Variants in WDPCP observed in about 807,000 individuals in gnomAD.
The protein encoded by WDPCP is WD repeat containing planar cell polarity effector, also known as WD repeat-containing and planar cell polarity effector protein fritz homolog.
A neutral mutation model predicts 93.1 loss-of-function variants in WDPCP; 71 were observed. The ratio of observed to expected loss-of-function variants is 0.76; its 90% CI spans 0.63 to 0.93. WDPCP has a LOEUF of 0.93. Ranked by LOEUF, WDPCP falls within the 40% of genes least tolerant of loss-of-function variation. WDPCP has a pLI of 0.00. For missense variants in WDPCP, 844 were observed against 887.4 expected (o/e 0.95, Z 0.62); for synonymous variants, 315 against 315.0 (o/e 1.00, Z 0.00).
At chr2:63,284,408 A>G (rs946837433) in intron 13 of WDPCP, among the ~76,000 whole-genome samples, 3 of 152,242 alleles carry the variant, frequency 2.0e-5, no homozygotes, top group African/African-American at 7.2e-5. Context: ...TGTTCTAACC[A>G]TATATCTTAG....
intron 2 of WDPCP, among the ~76,000 whole-genome samples, chr2:63,809,103 C>T (rs1418341041): frequency 6.7e-6 from 1 of 150,170 alleles, no homozygotes; most frequent in African/African-American, 2.5e-5. Flanking sequence ...TCCCTCCGCC[C>T]GGCAGCCGCC....
intron 1 of WDPCP, among the ~76,000 whole-genome samples, chr2:63,519,646 C>T (rs1702794029): frequency 6.6e-6 from 1 of 151,906 alleles, no homozygotes. Context: ...AGCCTTGGGC[C>T]CCTAAAATTA....
At chr2:63,634,766 C>G (rs2106634271) in intron 3 of WDPCP, among the ~76,000 whole-genome samples, 1 of 152,090 alleles carries the variant, frequency 6.6e-6, no homozygotes, top group East Asian at 1.9e-4. Flanking sequence ...AAAATGAAAA[C>G]ACAACATACC....
chr2:63,360,621 G>T lies in WDPCP; in HGVS notation c.1748+17765C>A, dbSNP rs572201880. On this transcript the variant is annotated intron_variant, in intron 12 of 17. Coordinates refer to ENST00000272321, the MANE Select transcript of WDPCP (RefSeq NM_015910.7). ...CTACTTAGCGGCGTCTCAGTAGTCA[G>T]TGTTTAGCTCTGAATAAAGGCACGT... is the stretch of plus-strand genomic sequence containing the variant. Among the ~76,000 whole-genome samples the T allele has an allele frequency of 1.5e-3, 230 of 152,284 alleles. 2 individuals are homozygous for T. The highest frequency in any genetic ancestry group is 3.4e-3 in the Middle Eastern group (1 of 294).
At chr2:63,772,002 G>A (rs1670233949) in intron 2 of WDPCP, among the ~76,000 whole-genome samples, 1 of 151,946 alleles carries the variant, frequency 6.6e-6, no homozygotes, top group South Asian at 2.1e-4. Flanking sequence ...GTGCTGCGAT[G>A]AACATATGAG....
chr2:63,602,974 T>TC (rs1709456401), intron 3 of WDPCP, among the ~76,000 whole-genome samples: 1 of 57,220 alleles, frequency 1.7e-5, no homozygotes, highest in African/African-American at 8.0e-5. Context: ...TTTTTTTTTT[T>TC]TTTGAGACAG....
At chr2:63,342,020 G>A (rs1688877621) in intron 12 of WDPCP, among the ~76,000 whole-genome samples, 1 of 152,090 alleles carries the variant, frequency 6.6e-6, no homozygotes, top group Non-Finnish European at 1.5e-5. Flanking sequence ...TCCATGGATG[G>A]GGTGGGGAGG....
At chr2:63,358,518 G>A (rs2104628574) in intron 12 of WDPCP, among the ~76,000 whole-genome samples, 1 of 152,272 alleles carries the variant, frequency 6.6e-6, no homozygotes, top group South Asian at 2.1e-4. Flanking sequence ...CCAAGTTGCA[G>A]TGCAGGTGCA....
At chr2:63,159,597 T>C (rs942163544) in intron 15 of WDPCP, among the ~76,000 whole-genome samples, 1 of 152,196 alleles carries the variant, frequency 6.6e-6, no homozygotes, top group African/African-American at 2.4e-5. Context: ...GTGATGAATG[T>C]TATTTTTGTT....
At chr2:63,409,261 G>C (rs971709008) in intron 9 of WDPCP, among the ~76,000 whole-genome samples, 14 of 152,188 alleles carry the variant, frequency 9.2e-5, no homozygotes, top group African/African-American at 3.4e-4. Flanking sequence ...ACCAGAGCCA[G>C]GTAGACTTCC....
chr2:63,500,481 G>T (rs1701484557), intron 1 of WDPCP, among the ~76,000 whole-genome samples: 1 of 151,774 alleles, frequency 6.6e-6, no homozygotes, highest in Non-Finnish European at 1.5e-5. Context: ...GTGTGTGTGT[G>T]TAAAGTGGTT....
At chr2:63,493,550 T>A (rs986838722) in intron 1 of WDPCP, among the ~76,000 whole-genome samples, 5 of 146,012 alleles carry the variant, frequency 3.4e-5, no homozygotes, top group Non-Finnish European at 7.6e-5. Context: ...TTCTATGGGG[T>A]TTTTTTTTTT....
At chr2:63,128,686 G>C (rs1670086713) in intron 17 of WDPCP, among the ~76,000 whole-genome samples, 1 of 151,980 alleles carries the variant, frequency 6.6e-6, no homozygotes, top group East Asian at 1.9e-4. Flanking sequence ...CTACTTATTT[G>C]AGATGGAATT....
intron 14 of WDPCP, among the ~76,000 whole-genome samples, chr2:63,228,161 T>C: frequency 6.6e-6 from 1 of 152,054 alleles, no homozygotes; most frequent in South Asian, 2.1e-4. Flanking sequence ...CTGGAGGTCA[T>C]GTACATCAGA....
chr2:63,142,921 TATAC>T (rs775840365), intron 17 of WDPCP, among the ~76,000 whole-genome samples: 173 of 76,458 alleles, frequency 2.3e-3, no homozygotes, highest in African/African-American at 3.3e-3. Flanking sequence ...TACACATACA[TATAC>T]ACACACACAC....
At chr2:63,243,959 T>C (rs1271943148) in intron 14 of WDPCP, among the ~76,000 whole-genome samples, 1 of 151,788 alleles carries the variant, frequency 6.6e-6, no homozygotes, top group Non-Finnish European at 1.5e-5. Context: ...ATTGACCACA[T>C]AGGATTGACC....
intron 3 of WDPCP, among the ~76,000 whole-genome samples, chr2:63,611,262 C>T (rs924207461): frequency 6.6e-6 from 1 of 152,132 alleles, no homozygotes; most frequent in Non-Finnish European, 1.5e-5. Context: ...AGATGCTGGA[C>T]TATTTTTGTA....
intron 2 of WDPCP, among the ~76,000 whole-genome samples, chr2:63,667,681 G>A (rs1010892334): frequency 5.9e-5 from 9 of 152,144 alleles, no homozygotes; most frequent in Non-Finnish European, 4.4e-5. Context: ...TGCAGGGTAG[G>A]TTGGAGAATG....
chr2:63,414,750 T>C (rs150663380), intron 9 of WDPCP, among the ~76,000 whole-genome samples: 5 of 152,250 alleles, frequency 3.3e-5, no homozygotes, highest in East Asian at 1.9e-4. Flanking sequence ...GGAGAAGCGA[T>C]AAAAGACTAC....
Sources: gnomAD v4.1 joint callset for allele counts (sites outside exome capture counted in the v4.1 genomes callset) on GRCh38, gnomAD v4.1.1 for gene constraint, MANE v1.5 for transcripts, NCBI Gene and HGNC (gene_info 2026-07-23, HGNC 2026-07-21) for gene names.